TBC1D13: variants seen among roughly 807,000 people sequenced by gnomAD.
TBC1D13 encodes the protein TBC1 domain family member 13, also known as epididymis secretory sperm binding protein.
In TBC1D13, 40 loss-of-function variants were observed where a neutral mutation model predicts 53.6. That is an observed-to-expected ratio of 0.75 (90% CI 0.58 to 0.97). The LOEUF is 0.97. Ranked by LOEUF, TBC1D13 falls within the 50% of genes least tolerant of loss-of-function variation. The pLI is 0.00. For missense variants in TBC1D13, 377 were observed against 499.4 expected, an observed-to-expected ratio of 0.75 and a Z score of 2.34; for synonymous variants, 182 against 197.7, an observed-to-expected ratio of 0.92 and a Z score of 0.67.
Position 128,807,946 on chromosome 9 carries a change from CAT to C in TBC1D13, c.*69_*70del. The C allele has an allele frequency of 6.6e-7, 1 of 1,513,350 alleles. No individual in the cohort carries two copies. Among genetic ancestry groups the C allele is most frequent in the Non-Finnish European group, 9.2e-7 (1 of 1,091,648 alleles). 93.7% of individuals were successfully genotyped at this position (1,513,350 alleles called of 1,614,324 possible). The stretch of plus-strand genomic sequence containing the variant: ...ACCCTGTGCCCTGGCTCCCGGGACA[CAT>C]AGAAACCTGTAGGAACCCAGCCTGA... On this transcript the variant is annotated 3_prime_UTR_variant, in exon 12 of 12. Coordinates refer to ENST00000372648, the MANE Select transcript of TBC1D13 (RefSeq NM_018201.5).
chr9:128,790,634 C>A, intron 2 of TBC1D13, 101 bp from the exon 3 acceptor site: 1 of 1,096,362 alleles, frequency 9.1e-7, no homozygotes, highest in Non-Finnish European at 1.3e-6. Flanking sequence ...TGAAGAAGTA[C>A]TTCTTGCCCA....
intron 7 of TBC1D13, among the ~76,000 whole-genome samples, chr9:128,797,670 G>A (rs1488864587): frequency 6.6e-6 from 1 of 152,142 alleles, no homozygotes; most frequent in Non-Finnish European, 1.5e-5. Flanking sequence ...GGGCATGATG[G>A]CATGTGCCTG....
rs1829516951 is a variant in TBC1D13, at chr9:128,790,679, G to T, written c.98-56G>T. The T allele has an allele frequency of 3.3e-6, 5 of 1,512,522 alleles. No homozygotes were observed. In the South Asian group the frequency reaches 6.4e-5, roughly 19 times the overall value. 93.7% of individuals were successfully genotyped at this position (1,512,522 alleles called of 1,614,324 possible). A position where few individuals can be genotyped will look rare whatever the true frequency, so the allele number is the denominator to read the frequency against. Reference sequence around the variant, plus strand: ...CCGCCAGTTGGCTCCACGGTGAAGGGCTGGGGGTTCTGGGACTCTGGCCTG... The same window carrying T: ...CCGCCAGTTGGCTCCACGGTGAAGGTCTGGGGGTTCTGGGACTCTGGCCTG... On this transcript the variant is annotated intron_variant, in intron 2 of 11. Transcript: ENST00000372648.
At chr9:128,800,739 C>A (rs1375145923) in intron 7 of TBC1D13, among the ~76,000 whole-genome samples, 1 of 152,122 alleles carries the variant, frequency 6.6e-6, no homozygotes, top group Non-Finnish European at 1.5e-5. Context: ...TGTATACTTT[C>A]CATCTAAATG....
At chr9:128,806,395 G>C (rs920668522) in intron 11 of TBC1D13, 84 bp downstream of exon 11, 1 of 1,513,202 alleles carries the variant, frequency 6.6e-7, no homozygotes, top group East Asian at 2.3e-5. Context: ...GCTGCGACAG[G>C]CTGGGCAGGG....
intron 5 of TBC1D13, 110 bp from the exon 6 acceptor site, chr9:128,792,380 TCA>T: frequency 1.2e-6 from 1 of 855,770 alleles, no homozygotes; most frequent in Middle Eastern, 2.3e-4. Context: ...GGACCACACC[TCA>T]GTGTGCAGTG....
In TBC1D13 at chr9:128,806,021, T is replaced by G; in HGVS notation, c.1079+2T>G. 1 of 1,613,856 alleles carries G rather than the reference T, an allele frequency of 6.2e-7. No homozygotes were observed. The highest frequency in any genetic ancestry group is 8.5e-7 in the Non-Finnish European group (1 of 1,179,880). On this transcript the variant is annotated splice_donor_variant, in intron 10 of 11. Transcript: ENST00000372648. LOFTEE classifies it high-confidence loss of function. ...CCTCGTCTGCTGCGCCATGCTCATG[T>G]GAGTGCGGGCATGAGCTGTCATCAG...
intron 6 of TBC1D13, among the ~76,000 whole-genome samples, chr9:128,794,569 G>A (rs547351152): frequency 1.3e-5 from 2 of 151,456 alleles, no homozygotes; most frequent in Admixed American, 6.6e-5. Context: ...TCCGCTTCCC[G>A]GGTTCAAGCG....
At chr9:128,803,496 T>G (rs1158111852) in intron 8 of TBC1D13, 36 bp downstream of exon 8, 1 of 1,601,382 alleles carries the variant, frequency 6.2e-7, no homozygotes, top group African/African-American at 1.3e-5. Flanking sequence ...CCCTCGTTGC[T>G]GGCCCGTGTC....
intron 7 of TBC1D13, among the ~76,000 whole-genome samples, chr9:128,800,032 A>G (rs1014684305): frequency 1.3e-5 from 2 of 152,272 alleles, no homozygotes; most frequent in Non-Finnish European, 2.9e-5. Context: ...AAAATAAAAA[A>G]TAAAAAAGCT....
rs1412642722 is a variant in TBC1D13 at position 128,791,634 on chromosome 9, C to G, written c.241C>G (p.Pro81Ala). The G allele has an allele frequency of 3.1e-6, 5 of 1,614,234 alleles. No individual in the cohort carries two copies. Among genetic ancestry groups the G allele is most frequent in the South Asian group, 1.1e-5 (1 of 91,088 alleles). Residue 81 changes from proline (P) to alanine (A), a missense_variant, in exon 5 of 12, where the codon CCT becomes GCT. Pro to Ala is a conservative substitution (Grantham distance 27). Transcript: ENST00000372648. ...AQFLREMIIQ[P>A]GIAKANMGVS... ...GTTCCTGAGGGAAATGATCATCCAG[C>G]CTGGCATTGCCAAGGCCAACATGGG...
In TBC1D13 at chr9:128,797,332, G is replaced by A. The variant is rs149785224; in HGVS notation, c.543+118G>A. 91 of 1,106,876 alleles carry A rather than the reference G, an allele frequency of 8.2e-5. No homozygotes were observed. The East Asian group carries it at 2.2e-3, about 26-fold the overall frequency. The allele number at this position is 1,106,876 out of a possible 1,614,324, so 68.6% of individuals were successfully genotyped here. On this transcript the variant is annotated intron_variant, in intron 7 of 11. Transcript: ENST00000372648. The stretch of plus-strand genomic sequence containing the variant: ...ACCATCTGCTTGACAGTTACTCAGC[G>A]CAATCCTGATGCTGCCAGATCCTGG...
intron 7 of TBC1D13, among the ~76,000 whole-genome samples, chr9:128,797,457 G>C (rs956936059): frequency 2.6e-5 from 4 of 152,136 alleles, no homozygotes; most frequent in African/African-American, 9.7e-5. Context: ...AATGAGCCAG[G>C]CTTCTAATCT....
intron 7 of TBC1D13, 29 bp downstream of exon 7, chr9:128,797,243 C>A: frequency 6.2e-7 from 1 of 1,610,596 alleles, no homozygotes; most frequent in East Asian, 2.2e-5. Context: ...TCCCCAGGGA[C>A]TCCCCCAACA....
Position 128,805,987 on chromosome 9 carries a change from C to T in TBC1D13, c.1047C>T (p.Asp349=), listed in dbSNP as rs751519216. ...DSLFADDNRF[D]FLLLVCCAML... is the part of the protein sequence containing the mutation. ...TCTTCGCCGATGACAACCGCTTTGA[C>T]TTCCTCCTCCTCGTCTGCTGCGCCA... Residue 349 remains aspartate, a synonymous_variant, in exon 10 of 12, where the codon GAC becomes GAT. Coordinates refer to ENST00000372648, the MANE Select transcript of TBC1D13 (RefSeq NM_018201.5). The T allele has an allele frequency of 1.9e-6, 3 of 1,614,224 alleles. No homozygotes were observed. The highest frequency in any genetic ancestry group is 2.5e-6 in the Non-Finnish European group (3 of 1,180,036).
In TBC1D13 at chr9:128,810,173, G is replaced by T. The variant is rs1238222845; in HGVS notation, c.*2294G>T. ...AGGACACCGCCTGCAGAAAGGACCT[G>T]CCCTGATAATGTCCCTTCCCCAGAT... On this transcript the variant is annotated 3_prime_UTR_variant, in exon 12 of 12. Coordinates refer to ENST00000372648, the MANE Select transcript of TBC1D13 (RefSeq NM_018201.5). The T allele has an allele frequency of 6.6e-6, 1 of 152,198 alleles. No homozygotes were observed. Among genetic ancestry groups the T allele is most frequent in the African/African-American group, 2.4e-5 (1 of 41,418 alleles). The allele number at this position is 152,198 out of a possible 1,614,324, so 9.4% of individuals were successfully genotyped here.
Position 128,806,400 on chromosome 9 carries a change from G to T in TBC1D13, c.1137+89G>T. 2.0e-6 allele frequency: 3 copies of T among 1,490,320 alleles called. No homozygotes were observed. The Admixed American group carries it at 5.1e-5, about 25-fold the overall frequency. The allele number at this position is 1,490,320 out of a possible 1,614,324, so 92.3% of individuals were successfully genotyped here. A position where few individuals can be genotyped will look rare whatever the true frequency, so the allele number is the denominator to read the frequency against. ...CACGCCAGCTGCTGCGACAGGCTGGGCAGGGGCAGCGGAGTGTAGTAGGGA... is the reference window on the plus strand; with the variant it reads ...CACGCCAGCTGCTGCGACAGGCTGGTCAGGGGCAGCGGAGTGTAGTAGGGA... On this transcript the variant is annotated intron_variant, in intron 11 of 11. Transcript: ENST00000372648.
chr9:128,808,225 T>C lies in TBC1D13; in HGVS notation c.*346T>C, dbSNP rs1345885260. 3 of 330,388 alleles carry C rather than the reference T, an allele frequency of 9.1e-6. No individual in the cohort carries two copies. The East Asian group carries it at 1.8e-4, about 20-fold the overall frequency. 20.5% of individuals were successfully genotyped at this position (330,388 alleles called of 1,614,324 possible). Reference sequence around the variant, plus strand: ...CCAGCCTCAGTTCCTGCTTCTGGTCTTCTCCTGGGCTCCACTCAGGGGAGG... The same window carrying C: ...CCAGCCTCAGTTCCTGCTTCTGGTCCTCTCCTGGGCTCCACTCAGGGGAGG... On this transcript the variant is annotated 3_prime_UTR_variant, in exon 12 of 12. Coordinates refer to ENST00000372648, the MANE Select transcript of TBC1D13 (RefSeq NM_018201.5).
intron 7 of TBC1D13, 110 bp downstream of exon 7, chr9:128,797,324 TACTC>T (rs1327206558): frequency 1.3e-5 from 15 of 1,192,344 alleles, no homozygotes; most frequent in Admixed American, 2.3e-5. Flanking sequence ...GCTTGACAGT[TACTC>T]AGCGCAATCC....
Sources: gnomAD v4.1 joint callset for allele counts (sites outside exome capture counted in the v4.1 genomes callset) on GRCh38, gnomAD v4.1.1 for gene constraint, MANE v1.5 for transcripts, NCBI Gene and HGNC (gene_info 2026-07-23, HGNC 2026-07-21) for gene names.